FAM47E: variants seen among roughly 807,000 people sequenced by gnomAD.
FAM47E encodes the protein protein FAM47E.
A neutral mutation model predicts 41.6 loss-of-function variants in FAM47E; 32 were observed. The observed-to-expected ratio is 0.77, with a 90% CI of 0.58 to 1.03. The LOEUF is 1.03. FAM47E is among the 50% of genes least tolerant of loss of function. The probability of loss-of-function intolerance (pLI) is 0.00; values close to 1 mark genes in which losing one functional copy is unlikely to be tolerated. For missense variants in FAM47E, 424 were observed against 485.4 expected (o/e 0.87, Z 1.19); for synonymous variants, 184 against 188.7 (o/e 0.98, Z 0.20).
intron 3 of FAM47E, 174 bp from the exon 4 acceptor site, chr4:76,268,486 A>T (rs1452197054): frequency 3.4e-6 from 2 of 589,574 alleles, no homozygotes; most frequent in African/African-American, 3.8e-5. Context: ...TGTCTTTATG[A>T]TATTCGTAAT....
At chr4:76,279,304 T>C (rs928390480) in intron 6 of FAM47E, 4 of 152,208 alleles carry the variant, frequency 2.6e-5, no homozygotes, top group African/African-American at 9.6e-5. Flanking sequence ...AAATTAAATA[T>C]TTAAAAAGAA....
intron 7 of FAM47E, 61 bp downstream of exon 7, chr4:76,280,402 C>A: frequency 1.0e-6 from 1 of 988,698 alleles, no homozygotes; most frequent in Non-Finnish European, 1.5e-6. Flanking sequence ...CAGTTGTTGA[C>A]GGGAAGAGGT....
chr4:76,228,509 T>A lies in FAM47E; in HGVS notation c.81+10821T>A, dbSNP rs545359167. On this transcript the variant is annotated intron_variant, in intron 2 of 7. Coordinates refer to the FAM47E transcript ENST00000510197. ...AAAAAAAAGAAAGAAAGAAAAAAAATTTAGAATTCCTTTTAGCATTTCTTG... is the reference window on the plus strand; with the variant it reads ...AAAAAAAAGAAAGAAAGAAAAAAAAATTAGAATTCCTTTTAGCATTTCTTG... 3.9e-5 allele frequency among the ~76,000 whole-genome samples: 6 copies of A among 152,058 alleles called. 1 individual carries two copies. The highest frequency in any genetic ancestry group is 4.2e-4 in the South Asian group (2 of 4,818).
intron 5 of FAM47E, among the ~76,000 whole-genome samples, chr4:76,272,763 A>G (rs1245094579): frequency 5.3e-5 from 8 of 152,210 alleles, no homozygotes; most frequent in Non-Finnish European, 8.8e-5. Context: ...AAAATTGCTC[A>G]ATTCCCTGTA....
chr4:76,259,653 C>A (rs1734325385), intron 2 of FAM47E, among the ~76,000 whole-genome samples: 1 of 152,106 alleles, frequency 6.6e-6, no homozygotes, highest in African/African-American at 2.4e-5. Context: ...GTAATCAAAG[C>A]TTCTAAAAGT....
intron 2 of FAM47E, among the ~76,000 whole-genome samples, chr4:76,232,952 C>A (rs1232300858): frequency 6.6e-6 from 1 of 152,196 alleles, no homozygotes. Context: ...TCACAGAGAA[C>A]CTCTTCTGCA....
At chr4:76,262,359 TA>T (rs1354123047) in intron 2 of FAM47E, among the ~76,000 whole-genome samples, 2 of 152,252 alleles carry the variant, frequency 1.3e-5, no homozygotes, top group Non-Finnish European at 2.9e-5. Flanking sequence ...TAATTGCCCA[TA>T]ATCTATCTCT....
chr4:76,277,359 G>A (rs1466919225), intron 5 of FAM47E, among the ~76,000 whole-genome samples: 4 of 152,032 alleles, frequency 2.6e-5, no homozygotes, highest in African/African-American at 7.3e-5. Context: ...GGTGGTGGGC[G>A]CCTGTAGTCC....
At chr4:76,264,236 T>A (rs1206871977) in intron 3 of FAM47E, among the ~76,000 whole-genome samples, 1 of 152,056 alleles carries the variant, frequency 6.6e-6, no homozygotes, top group Non-Finnish European at 1.5e-5. Flanking sequence ...CCCCAAGAAA[T>A]GTCAAGGCTG....
chr4:76,246,776 C>G (rs1370318437), upstream of FAM47E, among the ~76,000 whole-genome samples: 1 of 152,100 alleles, frequency 6.6e-6, no homozygotes, highest in East Asian at 1.9e-4. Context: ...TTAATAGGAA[C>G]ACAGTGTATA....
intron 2 of FAM47E, among the ~76,000 whole-genome samples, chr4:76,239,755 G>A (rs1034938091): frequency 1.3e-5 from 2 of 151,990 alleles, no homozygotes; most frequent in African/African-American, 4.8e-5. Flanking sequence ...GTGTTCTTTT[G>A]TTGTTGTTGT....
At position 76,235,715 on chromosome 4, in the gene FAM47E, A is replaced by G. The variant is rs72858543; in HGVS notation, c.81+18027A>G. 9.5e-3 allele frequency among the ~76,000 whole-genome samples: 1,447 copies of G among 152,332 alleles called. 24 individuals carry two copies. Among genetic ancestry groups the G allele is most frequent in the African/African-American group, 0.033 (1,372 of 41,578 alleles). Reference sequence around the variant, plus strand: ...TAAGACCATATGCTGCTGTTTCACAAAGGAGACTCACAAATTCATTGACTA... The same window carrying G: ...TAAGACCATATGCTGCTGTTTCACAGAGGAGACTCACAAATTCATTGACTA... On this transcript the variant is annotated intron_variant, in intron 2 of 7. Coordinates refer to the FAM47E transcript ENST00000510197.
At chr4:76,231,394 C>T (rs4859432) in intron 2 of FAM47E, among the ~76,000 whole-genome samples, 22,702 of 152,000 alleles carry the variant, frequency 0.15, 1,995 homozygotes, top group East Asian at 0.35. Context: ...CCGGTTGGTT[C>T]ACAGGAACAA....
upstream of FAM47E, chr4:76,251,719 G>T: frequency 4.1e-6 from 6 of 1,467,002 alleles, no homozygotes; most frequent in Non-Finnish European, 5.4e-6. Context: ...GCCCAAGCCC[G>T]GACGGTGGCC....
intron 2 of FAM47E, among the ~76,000 whole-genome samples, chr4:76,228,681 A>G (rs1733442544): frequency 6.6e-6 from 1 of 152,044 alleles, no homozygotes; most frequent in African/African-American, 2.4e-5. Flanking sequence ...TAGTACCCCA[A>G]TCCTTTCTGG....
chr4:76,229,665 T>C (rs1173973748), intron 2 of FAM47E, among the ~76,000 whole-genome samples: 2 of 152,192 alleles, frequency 1.3e-5, no homozygotes, highest in Non-Finnish European at 2.9e-5. Context: ...TGCTGAGAAA[T>C]ACCTGATTCC....
intron 2 of FAM47E, among the ~76,000 whole-genome samples, chr4:76,246,611 T>C (rs1185270520): frequency 2.6e-5 from 4 of 152,126 alleles, no homozygotes; most frequent in East Asian, 1.9e-4. Flanking sequence ...ATTTTACATA[T>C]GTACTAACAT....
At chr4:76,238,089 C>T (rs1232511131) in intron 2 of FAM47E, among the ~76,000 whole-genome samples, 1 of 152,206 alleles carries the variant, frequency 6.6e-6, no homozygotes, top group African/African-American at 2.4e-5. Context: ...ACCCGGGAGG[C>T]TTTGAATACC....
intron 2 of FAM47E, among the ~76,000 whole-genome samples, chr4:76,243,762 G>A (rs1385362593): frequency 3.3e-5 from 5 of 152,018 alleles, no homozygotes; most frequent in African/African-American, 1.2e-4. Context: ...TTTTAGGTTT[G>A]TTTAAGTTCT....
Sources: allele counts gnomAD v4.1 joint callset (sites outside exome capture counted in the v4.1 genomes callset), GRCh38; gene constraint gnomAD v4.1.1; transcripts MANE v1.5; gene names NCBI Gene and HGNC (gene_info 2026-07-23, HGNC 2026-07-21).